Variants in ATRNL1 observed in about 807,000 individuals in gnomAD.
ATRNL1 encodes the protein attractin-like protein 1.
Under a neutral mutation model 182.7 loss-of-function variants are expected in ATRNL1, and 95 were observed. That is an observed-to-expected ratio of 0.52 (90% CI 0.44 to 0.62). ATRNL1 has a LOEUF of 0.62. Among genes scored for constraint, ATRNL1 ranks in the 20% least tolerant of loss-of-function variants. The pLI, the probability that ATRNL1 is intolerant of heterozygous loss-of-function variation, is 0.00. For synonymous variants in ATRNL1, 576 were observed against 568.3 expected (o/e 1.01, Z -0.19); for missense variants, 1,471 against 1,679.5 (o/e 0.88, Z 2.17).
At chr10:115,569,748 C>A (rs782797064) in intron 26 of ATRNL1, among the ~76,000 whole-genome samples, 1 of 148,244 alleles carries the variant, frequency 6.7e-6, no homozygotes, top group Non-Finnish European at 1.5e-5. Context: ...AATATTTTTT[C>A]TCTGTTTACC....
At chr10:115,168,661 T>C (rs1271769708) in intron 7 of ATRNL1, among the ~76,000 whole-genome samples, 1 of 152,146 alleles carries the variant, frequency 6.6e-6, no homozygotes, top group East Asian at 1.9e-4. Flanking sequence ...AATTAAGTTG[T>C]CCTTTTATTA....
chr10:115,452,140 A>G (rs1415951718), intron 21 of ATRNL1, among the ~76,000 whole-genome samples: 3 of 152,236 alleles, frequency 2.0e-5, no homozygotes, highest in East Asian at 3.9e-4. Context: ...AGAGACAGCT[A>G]TTGGATACTG....
At chr10:115,940,555 C>T (rs1422787853) in intron 28 of ATRNL1, among the ~76,000 whole-genome samples, 2 of 151,952 alleles carry the variant, frequency 1.3e-5, no homozygotes, top group South Asian at 2.1e-4. Flanking sequence ...ATTTAGGGGA[C>T]GGGGGAGGTA....
At chr10:115,668,616 G>A (rs1270756050) in intron 26 of ATRNL1, among the ~76,000 whole-genome samples, 4 of 152,084 alleles carry the variant, frequency 2.6e-5, no homozygotes, top group Non-Finnish European at 5.9e-5. Flanking sequence ...GTCTTTAACT[G>A]TATGACTCAG....
chr10:115,286,125 T>A, intron 14 of ATRNL1, 91 bp from the exon 15 acceptor site: 3 of 630,804 alleles, frequency 4.8e-6, no homozygotes, highest in Non-Finnish European at 8.3e-6. Flanking sequence ...TCAAAAATAA[T>A]TTAAACAAAT....
intron 26 of ATRNL1, chr10:115,597,793 C>T (rs532515384): frequency 1.6e-3 from 570 of 362,596 alleles, no homozygotes; most frequent in Non-Finnish European, 2.6e-3. Context: ...CCTCGGCCTC[C>T]TAAAGTGCTG....
chr10:115,306,969 C>T (rs116286990), intron 17 of ATRNL1, among the ~76,000 whole-genome samples: 1,790 of 151,906 alleles, frequency 0.012, 34 homozygotes, highest in African/African-American at 0.04. Context: ...AACTAAATAC[C>T]GCTGGTGGGA....
intron 26 of ATRNL1, among the ~76,000 whole-genome samples, chr10:115,669,970 A>G (rs75896390): frequency 2.5e-3 from 375 of 152,198 alleles, no homozygotes; most frequent in African/African-American, 8.4e-3. Context: ...TTTGATTTAG[A>G]AATGTGTTAT....
chr10:115,830,876 G>A (rs890480773), intron 27 of ATRNL1, among the ~76,000 whole-genome samples: 1 of 152,078 alleles, frequency 6.6e-6, no homozygotes, highest in Admixed American at 6.6e-5. Context: ...TCAGTCCTCA[G>A]TGCCTGAGTG....
chr10:115,505,286 G>A (rs1439219646), intron 24 of ATRNL1, among the ~76,000 whole-genome samples: 1 of 15,798 alleles, frequency 6.3e-5, no homozygotes, highest in East Asian at 4.2e-4. Flanking sequence ...GACTAGCATG[G>A]CATCCATGCT....
chr10:115,758,849 T>C (rs1948660012), intron 27 of ATRNL1, among the ~76,000 whole-genome samples: 1 of 152,248 alleles, frequency 6.6e-6, no homozygotes, highest in Non-Finnish European at 1.5e-5. Context: ...GCCTCAGCAA[T>C]AGCAGAATAC....
At chr10:115,378,084 A>T (rs1388637442) in intron 19 of ATRNL1, among the ~76,000 whole-genome samples, 1 of 152,106 alleles carries the variant, frequency 6.6e-6, no homozygotes, top group African/African-American at 2.4e-5. Flanking sequence ...ACTGGGACTG[A>T]GTCACAGAGC....
rs59256867 is a variant in ATRNL1 at position 115,403,257 on chromosome 10, C to CTTTTTTT, written c.3269+8518_3269+8524dup. 1.7e-4 allele frequency among the ~76,000 whole-genome samples: 18 copies of CTTTTTTT among 107,426 alleles called. 1 individual carries two copies. Among genetic ancestry groups the CTTTTTTT allele is most frequent in the African/African-American group, 3.9e-4 (8 of 20,390 alleles). 70.5% of individuals were successfully genotyped at this position (107,426 alleles called of 152,430 possible). On this transcript the variant is annotated intron_variant, in intron 20 of 28. Transcript: ENST00000355044. ...CTTTATTTTTCCTAATTACTCTCAT[C>CTTTTTTT]TTTTTTTTTTTTTTTTTTTAGTCTG...
At chr10:115,294,169 G>C (rs1554921858) in intron 15 of ATRNL1, among the ~76,000 whole-genome samples, 1 of 152,054 alleles carries the variant, frequency 6.6e-6, no homozygotes. Flanking sequence ...TTTGTTACCT[G>C]TGTTATTTGC....
chr10:115,344,929 T>G (rs1554939309), intron 19 of ATRNL1, among the ~76,000 whole-genome samples: 1 of 152,204 alleles, frequency 6.6e-6, no homozygotes, highest in African/African-American at 2.4e-5. Context: ...AAATGTCGTC[T>G]GGAAGCTAAG....
intron 26 of ATRNL1, among the ~76,000 whole-genome samples, chr10:115,566,878 A>AAGGTGCTGC (rs201557015): frequency 0.02 from 3,031 of 152,260 alleles, 94 homozygotes; most frequent in African/African-American, 0.069. Context: ...GGGCTTTCAC[A>AAGGTGCTGC]TGCACCCCAG....
chr10:115,118,038 T>A (rs797035155), intron 1 of ATRNL1, among the ~76,000 whole-genome samples: 5 of 152,166 alleles, frequency 3.3e-5, no homozygotes, highest in Admixed American at 6.5e-5. Context: ...AGCCCATTTT[T>A]AAAATTGGAT....
intron 26 of ATRNL1, among the ~76,000 whole-genome samples, chr10:115,556,476 T>G (rs1554997070): frequency 6.6e-6 from 1 of 152,182 alleles, no homozygotes; most frequent in African/African-American, 2.4e-5. Flanking sequence ...GAAGTTTATG[T>G]CTGTGCAGAC....
chr10:115,378,139 C>T (rs1554950048), intron 19 of ATRNL1, among the ~76,000 whole-genome samples: 5 of 152,142 alleles, frequency 3.3e-5, no homozygotes, highest in Non-Finnish European at 7.3e-5. Context: ...ATATCTGTCT[C>T]TGGGATATCA....
Sources: allele counts gnomAD v4.1 joint callset (sites outside exome capture counted in the v4.1 genomes callset), GRCh38; gene constraint gnomAD v4.1.1; transcripts MANE v1.5; gene names NCBI Gene and HGNC (gene_info 2026-07-23, HGNC 2026-07-21).